The following CTNNA3 variants were observed in gnomAD, a reference collection of about 807,000 sequenced individuals.
CTNNA3 encodes the protein catenin alpha 3, also known as catenin alpha-3.
Under a neutral mutation model 95.7 loss-of-function variants are expected in CTNNA3, and 76 were observed. The observed-to-expected ratio is 0.79, with a 90% confidence interval of 0.66 to 0.96. The LOEUF is 0.96. Ranked by LOEUF, CTNNA3 falls within the 40% of genes least tolerant of loss-of-function variation. The probability of loss-of-function intolerance (pLI) is 0.00; values close to 1 mark genes in which losing one functional copy is unlikely to be tolerated. For missense variants in CTNNA3, 1,191 were observed against 1,089.8 expected (o/e 1.09, Z -1.31); for synonymous variants, 431 against 374.4 (o/e 1.15, Z -1.74).
intron 13 of CTNNA3, among the ~76,000 whole-genome samples, chr10:66,153,630 C>T (rs1194212109): frequency 6.6e-6 from 1 of 151,844 alleles, no homozygotes; most frequent in Admixed American, 6.6e-5. Context: ...TTCTGAGATG[C>T]CTCTCCACCT....
chr10:67,464,386 T>C (rs1847500565), intron 5 of CTNNA3, among the ~76,000 whole-genome samples: 1 of 152,170 alleles, frequency 6.6e-6, no homozygotes, highest in Non-Finnish European at 1.5e-5. Context: ...CAATTATCTT[T>C]CTTGTGACTT....
chr10:65,951,131 T>C lies in CTNNA3; in HGVS notation c.2400+15481A>G, dbSNP rs537213729. On this transcript the variant is annotated intron_variant, in intron 17 of 17. Transcript: ENST00000433211. ...AAGGAGCTGATCTCATTCTCACTGA[T>C]GCAGATTGCTTAAGCAAAATTGGAG... Among the ~76,000 whole-genome samples the C allele has an allele frequency of 3.9e-5, 6 of 152,326 alleles. No individual in the cohort carries two copies. The East Asian group carries it at 9.6e-4, about 24-fold the overall frequency.
chr10:66,040,920 A>C (rs1171898567), intron 15 of CTNNA3, among the ~76,000 whole-genome samples: 2 of 152,204 alleles, frequency 1.3e-5, no homozygotes, highest in African/African-American at 4.8e-5. Flanking sequence ...TAGTATGCGA[A>C]AGTTTGAGGA....
intron 12 of CTNNA3, among the ~76,000 whole-genome samples, chr10:66,285,901 C>A (rs78174986): frequency 0.02 from 3,030 of 151,874 alleles, 108 homozygotes; most frequent in African/African-American, 0.069. Flanking sequence ...TATCAACTTT[C>A]ACTAAACATT....
intron 16 of CTNNA3, among the ~76,000 whole-genome samples, chr10:65,980,837 A>G (rs1255707158): frequency 6.6e-6 from 1 of 152,068 alleles, no homozygotes; most frequent in Non-Finnish European, 1.5e-5. Context: ...TAGAAATGAC[A>G]TACCTTAAGG....
At chr10:66,085,272 TAAAC>T (rs1564628213) in intron 14 of CTNNA3, among the ~76,000 whole-genome samples, 1 of 151,882 alleles carries the variant, frequency 6.6e-6, no homozygotes, top group African/African-American at 2.4e-5. Flanking sequence ...CTAAGGAAAA[TAAAC>T]AAGGAAGAGA....
intron 7 of CTNNA3, among the ~76,000 whole-genome samples, chr10:66,942,661 ACT>A (rs907050898): frequency 1.4e-5 from 2 of 141,538 alleles, no homozygotes; most frequent in African/African-American, 2.6e-5. Context: ...TCACTTTCTC[ACT>A]CTCTCTTTCC....
chr10:66,651,246 A>G (rs1030096244), intron 9 of CTNNA3, among the ~76,000 whole-genome samples: 3 of 152,182 alleles, frequency 2.0e-5, no homozygotes, highest in African/African-American at 7.2e-5. Context: ...AAGTTCTCCA[A>G]GTCCCCACCA....
chr10:66,756,575 A>C (rs1839368236), intron 9 of CTNNA3, among the ~76,000 whole-genome samples: 1 of 152,052 alleles, frequency 6.6e-6, no homozygotes. Flanking sequence ...CACATGAATA[A>C]TCCTTTGCAA....
chr10:66,000,260 A>G (rs12783139), intron 15 of CTNNA3, among the ~76,000 whole-genome samples: 2 of 151,788 alleles, frequency 1.3e-5, no homozygotes, highest in African/African-American at 4.8e-5. Flanking sequence ...CTCATCCTTG[A>G]CTCTCTTTCC....
chr10:66,702,198 C>T (rs553456207), intron 9 of CTNNA3, among the ~76,000 whole-genome samples: 1 of 152,162 alleles, frequency 6.6e-6, no homozygotes, highest in African/African-American at 2.4e-5. Context: ...CCAGAATTCC[C>T]GTAACAGCTG....
chr10:67,694,407 T>A (rs1256664168), intron 1 of CTNNA3, among the ~76,000 whole-genome samples: 1 of 152,098 alleles, frequency 6.6e-6, no homozygotes, highest in East Asian at 1.9e-4. Flanking sequence ...AGAATAACAG[T>A]AAAAACACAT....
chr10:66,284,861 GAATT>G (rs2091557861), intron 12 of CTNNA3, among the ~76,000 whole-genome samples: 1 of 151,792 alleles, frequency 6.6e-6, no homozygotes, highest in Admixed American at 6.6e-5. Context: ...AACTGGGAGA[GAATT>G]AATAATACTA....
chr10:67,233,182 C>G (rs1208705989), intron 5 of CTNNA3, among the ~76,000 whole-genome samples: 1 of 152,248 alleles, frequency 6.6e-6, no homozygotes, highest in Non-Finnish European at 1.5e-5. Context: ...CTACAGAACT[C>G]TCCACCCCAA....
At chr10:65,955,206 A>T (rs1162220910) in intron 17 of CTNNA3, among the ~76,000 whole-genome samples, 1 of 152,192 alleles carries the variant, frequency 6.6e-6, no homozygotes, top group Admixed American at 6.5e-5. Context: ...ATTGGCGTAT[A>T]GGAATGCTTG....
At chr10:66,689,735 A>C (rs1410879894) in intron 9 of CTNNA3, among the ~76,000 whole-genome samples, 3 of 152,202 alleles carry the variant, frequency 2.0e-5, no homozygotes, top group Non-Finnish European at 2.9e-5. Flanking sequence ...AAGTGGATTC[A>C]ATAAAATAAC....
At chr10:66,287,363 C>G (rs12242969) in intron 12 of CTNNA3, among the ~76,000 whole-genome samples, 4 of 152,022 alleles carry the variant, frequency 2.6e-5, no homozygotes, top group African/African-American at 9.7e-5. Context: ...TGTACTCAGC[C>G]ACTTCTAAAA....
At chr10:65,997,446 G>T (rs1354991233) in intron 15 of CTNNA3, among the ~76,000 whole-genome samples, 1 of 152,184 alleles carries the variant, frequency 6.6e-6, no homozygotes, top group Non-Finnish European at 1.5e-5. Flanking sequence ...ACAGTTGGAG[G>T]TGGAGAGCGG....
chr10:67,679,418 A>T (rs1184140650), intron 1 of CTNNA3, among the ~76,000 whole-genome samples: 3 of 152,350 alleles, frequency 2.0e-5, no homozygotes, highest in African/African-American at 7.2e-5. Context: ...ATATTATCAC[A>T]GAATTCTTGC....
Sources: gnomAD v4.1 joint callset for allele counts (sites outside exome capture counted in the v4.1 genomes callset) on GRCh38, gnomAD v4.1.1 for gene constraint, MANE v1.5 for transcripts, NCBI Gene and HGNC (gene_info 2026-07-23, HGNC 2026-07-21) for gene names.